TSPAN4: variants seen among roughly 807,000 people sequenced by gnomAD.
TSPAN4 encodes tetraspanin 4.
A neutral mutation model predicts 31.5 loss-of-function variants in TSPAN4; 38 were observed. The observed-to-expected ratio is 1.21, with a 90% CI of 0.93 to 1.58. The LOEUF is 1.58. Among genes scored for constraint, TSPAN4 ranks in the 40% most tolerant of loss-of-function variants. The pLI is 0.00. For missense variants in TSPAN4, 330 were observed against 317.3 expected (o/e 1.04, Z -0.30); for synonymous variants, 186 against 144.6 (o/e 1.29, Z -2.06).
chr11:860,960 G>A (rs1293568069), intron 3 of TSPAN4, among the ~76,000 whole-genome samples: 3 of 152,162 alleles, frequency 2.0e-5, no homozygotes, highest in Non-Finnish European at 4.4e-5. Context: ...GCTGCAGACC[G>A]GGAGCTGGTC....
At chr11:850,423 CGGGT>C in intron 3 of TSPAN4, 56 bp downstream of exon 3, 2 of 1,496,872 alleles carry the variant, frequency 1.3e-6, no homozygotes, top group Non-Finnish European at 1.8e-6. Context: ...CCTCCCGCGG[CGGGT>C]CGCGGGGTCT....
chr11:850,214 GGC>G, intron 2 of TSPAN4, 72 bp from the exon 3 acceptor site: 1 of 1,297,334 alleles, frequency 7.7e-7, no homozygotes, highest in Non-Finnish European at 1.1e-6. Context: ...AGGCGGCCCA[GGC>G]GCGCTACACG....
chr11:846,595 C>T (rs1026641006), intron 1 of TSPAN4, among the ~76,000 whole-genome samples: 3 of 151,220 alleles, frequency 2.0e-5, no homozygotes, highest in East Asian at 1.9e-4. Context: ...GGCCAGAAAT[C>T]CCTGAGTGCC....
intron 5 of TSPAN4, chr11:865,251 G>A: frequency 2.0e-6 from 1 of 510,044 alleles, no homozygotes; most frequent in Non-Finnish European, 3.5e-6. Context: ...ATACGTGGAG[G>A]CACCTGTGTC....
rs373496866 is a variant in TSPAN4 at position 866,603 on chromosome 11, G to A, written c.690G>A (p.Val230=). ...TCGCCATGACCATGTACTGCCAAGT[G>A]GTCAAGGCAGACACCTACTGCGCGT... ...LTFAMTMYCQ[V]VKADTYCA is the part of the protein sequence containing the mutation. The change falls in exon 9 of 9, where the codon GTG becomes GTA. Residue 230 remains valine, a synonymous_variant. Transcript: ENST00000397397. 6.2e-7 allele frequency: 1 copy of A among 1,613,422 alleles called. No individual in the cohort carries two copies. Among genetic ancestry groups the A allele is most frequent in the Non-Finnish European group, 8.5e-7 (1 of 1,179,814 alleles).
intron 3 of TSPAN4, among the ~76,000 whole-genome samples, chr11:860,530 TGG>T: frequency 6.6e-6 from 1 of 152,252 alleles, no homozygotes; most frequent in East Asian, 1.9e-4. Flanking sequence ...TTGGGGCTCA[TGG>T]GCCCTCCGTG....
chr11:864,130 C>G (rs1848631240), intron 4 of TSPAN4: 2 of 471,924 alleles, frequency 4.2e-6, no homozygotes, highest in Admixed American at 3.3e-5. Flanking sequence ...GCCTCAGGAA[C>G]AGGGATTTGT....
chr11:847,196 T>G lies in TSPAN4; in HGVS notation c.-117-5T>G, dbSNP rs1252494513. On this transcript the variant is annotated splice_region_variant and splice_polypyrimidine_tract_variant and intron_variant, in intron 1 of 8. Coordinates refer to ENST00000397397, the MANE Select transcript of TSPAN4 (RefSeq NM_003271.5). ...GCTCCACTCTGCCCATCTTTCCTTT[T>G]GCAGAGCTTGGGGCTTCCTTGGTCG... The G allele has an allele frequency of 1.3e-5, 2 of 152,274 alleles. No homozygotes were observed. The highest frequency in any genetic ancestry group is 4.8e-5 in the African/African-American group (2 of 41,452). 9.4% of individuals were successfully genotyped at this position (152,274 alleles called of 1,614,324 possible). A position where few individuals can be genotyped will look rare whatever the true frequency, so the allele number is the denominator to read the frequency against.
rs1177721399 is a variant in TSPAN4 at position 848,759 on chromosome 11, A to G, written c.-18+1459A>G. On this transcript the variant is annotated intron_variant, in intron 2 of 8. Transcript: ENST00000397397. The surrounding 1 kb of genome is among the most constrained non-coding windows in gnomAD (Gnocchi z 5.7). The stretch of plus-strand genomic sequence containing the variant: ...CCAGGAATCTGGGCCACGTGCTGAT[A>G]TCTTCCCAACACCGCAGGGCCCTTG... 5.8e-6 allele frequency: 3 copies of G among 516,656 alleles called. No homozygotes were observed. Among genetic ancestry groups the G allele is most frequent in the Non-Finnish European group, 1.0e-5 (3 of 286,412 alleles). 32.0% of individuals were successfully genotyped at this position (516,656 alleles called of 1,614,324 possible). A position where few individuals can be genotyped will look rare whatever the true frequency, so the allele number is the denominator to read the frequency against.
chr11:861,613 G>A (rs371001096), intron 3 of TSPAN4, among the ~76,000 whole-genome samples: 17 of 152,338 alleles, frequency 1.1e-4, no homozygotes, highest in African/African-American at 4.1e-4. Context: ...TCGGGAGGCT[G>A]AGGCAGGAGA....
At chr11:853,463 G>C (rs1048461233) in intron 3 of TSPAN4, among the ~76,000 whole-genome samples, 1 of 152,104 alleles carries the variant, frequency 6.6e-6, no homozygotes, top group African/African-American at 2.4e-5. Flanking sequence ...GGAGGGGCTC[G>C]CTCCAGAAGG....
intron 1 of TSPAN4, among the ~76,000 whole-genome samples, chr11:845,326 C>T (rs375989682): frequency 5.3e-5 from 8 of 152,210 alleles, no homozygotes; most frequent in East Asian, 3.8e-4. Flanking sequence ...CCACGCCGTC[C>T]GTGTCCTCTC....
intron 1 of TSPAN4, 103 bp downstream of exon 1, chr11:843,018 C>G (rs1246314317): frequency 1.3e-5 from 2 of 151,384 alleles, no homozygotes; most frequent in Admixed American, 6.6e-5. Flanking sequence ...CGCGCGAGTT[C>G]GAGCCCAGAG....
rs1847427417 is a variant in TSPAN4 at position 848,217 on chromosome 11, G to C, written c.-18+917G>C. ...GGTTTCTGTCAGGGTTGGGGTCCCA[G>C]GGCTCCTGGGGTCTCTGCTGGGCCC... is the stretch of plus-strand genomic sequence containing the variant. On this transcript the variant is annotated intron_variant, in intron 2 of 8. Transcript: ENST00000397397. This position sits in a 1 kb window ranked among gnomAD's most constrained non-coding sequence, Gnocchi z 5.7. 6.6e-6 allele frequency among the ~76,000 whole-genome samples: 1 copy of C among 152,184 alleles called. No homozygotes were observed. The highest frequency in any genetic ancestry group is 6.5e-5 in the Admixed American group (1 of 15,308).
rs1244641654 is a variant in TSPAN4 at position 865,921 on chromosome 11, T to G, written c.568T>G (p.Cys190Gly). The stretch of plus-strand genomic sequence containing the variant: ...CGCATGACATCCCTCCCTGCAGCCG[T>G]GCTACGAGACGGTGAAGGTGTGGCT... ...HAPGTWWKAP[C>G]YETVKVWLQE... The change falls in exon 8 of 9, where the codon TGC becomes GGC. Residue 190 changes from cysteine to glycine, a missense_variant. By Grantham distance (159) the Cys-to-Gly change is radical. Coordinates refer to ENST00000397397, the MANE Select transcript of TSPAN4 (RefSeq NM_003271.5). The G allele has an allele frequency of 1.9e-6, 3 of 1,613,126 alleles. No homozygotes were observed. The highest frequency in any genetic ancestry group is 2.5e-6 in the Non-Finnish European group (3 of 1,179,964).
At chr11:861,855 G>T (rs1334364500) in intron 3 of TSPAN4, among the ~76,000 whole-genome samples, 4 of 152,146 alleles carry the variant, frequency 2.6e-5, no homozygotes, top group Admixed American at 2.6e-4. Flanking sequence ...GGGAGGCGGA[G>T]GAGGTTGCAG....
At chr11:844,288 C>T (rs1454183109) in intron 1 of TSPAN4, 2 of 152,054 alleles carry the variant, frequency 1.3e-5, no homozygotes, top group African/African-American at 4.8e-5. Context: ...CTGTCCCGCC[C>T]CTGTTCCTGC....
intron 5 of TSPAN4, 182 bp from the exon 6 acceptor site, chr11:865,331 C>T: frequency 1.7e-6 from 1 of 600,710 alleles, no homozygotes; most frequent in Non-Finnish European, 3.0e-6. Flanking sequence ...GGTGGGGGCC[C>T]TGGGCCTCAG....
chr11:851,756 A>C (rs1211881158), intron 3 of TSPAN4, among the ~76,000 whole-genome samples: 2 of 150,726 alleles, frequency 1.3e-5, no homozygotes, highest in Admixed American at 6.6e-5. Context: ...CTGAGTGACC[A>C]GAGTGTTTCT....
Sources: allele counts gnomAD v4.1 joint callset (sites outside exome capture counted in the v4.1 genomes callset), GRCh38; gene constraint gnomAD v4.1.1; non-coding constraint Gnocchi (gnomAD v3.1); transcripts MANE v1.5; gene names NCBI Gene and HGNC (gene_info 2026-07-23, HGNC 2026-07-21).